The following SSU72 variants were observed in gnomAD, a reference collection of about 807,000 sequenced individuals.
SSU72 encodes SSU72 homolog, RNA polymerase II CTD phosphatase.
Under a neutral mutation model 22.7 loss-of-function variants are expected in SSU72, and 12 were observed. The observed-to-expected ratio is 0.53, with a 90% confidence interval of 0.34 to 0.86. The LOEUF is 0.86. Among genes scored for constraint, SSU72 ranks in the 40% least tolerant of loss-of-function variants. The pLI, the probability that SSU72 is intolerant of heterozygous loss-of-function variation, is 0.02. For missense variants in SSU72, 151 were observed against 249.8 expected (o/e 0.60, Z 2.67); for synonymous variants, 116 against 98.3 (o/e 1.18, Z -1.06).
At chr1:1,557,713 G>T (rs1282304364) in intron 2 of SSU72, among the ~76,000 whole-genome samples, 1 of 151,708 alleles carries the variant, frequency 6.6e-6, no homozygotes, top group Admixed American at 6.6e-5. Flanking sequence ...CAGGAGAATC[G>T]CTTGAACCCG....
intron 2 of SSU72, among the ~76,000 whole-genome samples, chr1:1,552,179 G>T (rs1192963836): frequency 6.6e-6 from 1 of 152,156 alleles, no homozygotes; most frequent in African/African-American, 2.4e-5. Context: ...AGCTTCCTCC[G>T]CGAAGCCCTC....
chr1:1,561,322 A>T (rs1642589296), intron 2 of SSU72: 1 of 152,028 alleles, frequency 6.6e-6, no homozygotes, highest in African/African-American at 2.4e-5. Flanking sequence ...TGACCTCATG[A>T]TCCACCCACC....
intron 2 of SSU72, among the ~76,000 whole-genome samples, chr1:1,555,261 C>T (rs1029085467): frequency 6.6e-6 from 1 of 152,224 alleles, no homozygotes; most frequent in African/African-American, 2.4e-5. Flanking sequence ...AGCACCGACA[C>T]AGGAGGCTCC....
intron 1 of SSU72, among the ~76,000 whole-genome samples, chr1:1,571,190 A>G (rs1642725968): frequency 7.2e-6 from 1 of 139,814 alleles, no homozygotes; most frequent in Non-Finnish European, 1.5e-5. Context: ...GGTTGCAGTG[A>G]GCTGAAATCG....
intron 1 of SSU72, among the ~76,000 whole-genome samples, chr1:1,566,111 A>AG (rs1454805350): frequency 6.7e-6 from 1 of 149,882 alleles, no homozygotes; most frequent in African/African-American, 2.5e-5. Flanking sequence ...AAAAAAAAAA[A>AG]AAAATTAGCT....
chr1:1,574,623 G>A lies in SSU72; in HGVS notation c.-66C>T, dbSNP rs1429975764. 4.1e-6 allele frequency: 6 copies of A among 1,472,878 alleles called. No homozygotes were observed. The highest frequency in any genetic ancestry group is 2.9e-5 in the East Asian group (1 of 35,040). 91.2% of individuals were successfully genotyped at this position (1,472,878 alleles called of 1,614,324 possible). A position where few individuals can be genotyped will look rare whatever the true frequency, so the allele number is the denominator to read the frequency against. On this transcript the variant is annotated 5_prime_UTR_variant, in exon 1 of 5. Coordinates refer to ENST00000291386, the MANE Select transcript of SSU72 (RefSeq NM_014188.3). ...CCACCCTACCGCGGCGCTTCCGCGCGAACAAAATGGCGGCCGCGGTGGCCG... is the reference window on the plus strand; with the variant it reads ...CCACCCTACCGCGGCGCTTCCGCGCAAACAAAATGGCGGCCGCGGTGGCCG...
rs1414253503 is a variant in SSU72, at chr1:1,574,668, G to C, written c.-111C>G. On this transcript the variant is annotated 5_prime_UTR_variant, in exon 1 of 5. Coordinates refer to ENST00000291386, the MANE Select transcript of SSU72 (RefSeq NM_014188.3). ...TGGCCGGAAGCGGGCGACGCGAAAC[G>C]ACGGCGCCGGCGGTGTAGCGTGCGG... 4 of 1,131,644 alleles carry C rather than the reference G, an allele frequency of 3.5e-6. No homozygotes were observed. In the East Asian group the frequency reaches 1.3e-4, roughly 37 times the overall value. The allele number at this position is 1,131,644 out of a possible 1,614,324, so 70.1% of individuals were successfully genotyped here.
intron 2 of SSU72, chr1:1,562,541 C>T (rs1011971454): frequency 6.6e-6 from 1 of 152,070 alleles, no homozygotes; most frequent in African/African-American, 2.4e-5. Context: ...AACCAGACTC[C>T]TGGAAGGGGC....
At chr1:1,556,655 G>A (rs759317206) in intron 2 of SSU72, among the ~76,000 whole-genome samples, 3 of 152,226 alleles carry the variant, frequency 2.0e-5, no homozygotes, top group Non-Finnish European at 4.4e-5. Context: ...CTCTGGAGCT[G>A]CTGGGCACCC....
chr1:1,554,077 G>A lies in SSU72; in HGVS notation c.225-9075C>T, dbSNP rs1432389036. On this transcript the variant is annotated intron_variant, in intron 2 of 4. Coordinates refer to ENST00000291386, the MANE Select transcript of SSU72 (RefSeq NM_014188.3). This position sits in a 1 kb window ranked among gnomAD's most constrained non-coding sequence, Gnocchi z 4.1. ...TGTCAGTGGCCAGGGCCTCTAAAGA[G>A]AAACGAGGAGGAAGTGCAGCTCCAG... is the stretch of plus-strand genomic sequence containing the variant. Among the ~76,000 whole-genome samples, 1 of 152,226 alleles carries A rather than the reference G, an allele frequency of 6.6e-6. No individual in the cohort carries two copies. The highest frequency in any genetic ancestry group is 2.4e-5 in the African/African-American group (1 of 41,448).
intron 1 of SSU72, among the ~76,000 whole-genome samples, chr1:1,567,644 T>C (rs558769823): frequency 3.3e-5 from 5 of 151,966 alleles, no homozygotes; most frequent in Middle Eastern, 3.4e-3. Flanking sequence ...TCAGACAACA[T>C]ACAATAAAAT....
intron 2 of SSU72, among the ~76,000 whole-genome samples, chr1:1,553,018 C>CAAAAAAAAAAAAAAAAAAAAAATAAAAAA (rs35241878): frequency 1.1e-5 from 1 of 93,820 alleles, no homozygotes; most frequent in African/African-American, 3.7e-5. Flanking sequence ...GAGACTGTCT[C>CAAAAAAAAAAAAAAAAAAAAAATAAAAAA]AAAAAAAAAA....
intron 2 of SSU72, chr1:1,545,267 C>T (rs1374988398): frequency 4.6e-6 from 2 of 435,556 alleles, no homozygotes; most frequent in South Asian, 2.6e-5. Flanking sequence ...CCGCAGGACA[C>T]CCCCCGCCCC....
rs1642419105 is a variant in SSU72, at chr1:1,548,464, G to C, written c.225-3462C>G. On this transcript the variant is annotated intron_variant, in intron 2 of 4. Coordinates refer to ENST00000291386, the MANE Select transcript of SSU72 (RefSeq NM_014188.3). ...AGCTACTCTGGAGGCTGAGGCAGGA[G>C]AATTGCTTGAAGCCAGGAGGCGGAG... Among the ~76,000 whole-genome samples, 3 of 150,532 alleles carry C rather than the reference G, an allele frequency of 2.0e-5. No homozygotes were observed. In the South Asian group the frequency reaches 6.3e-4, roughly 32 times the overall value.
chr1:1,544,712 T>A (rs1208920371), intron 3 of SSU72, 151 bp downstream of exon 3: 1 of 1,083,196 alleles, frequency 9.2e-7, no homozygotes, highest in Non-Finnish European at 1.4e-6. Flanking sequence ...CCAGCGGCCC[T>A]GCCTGCCTTC....
chr1:1,558,155 C>G (rs918225380), intron 2 of SSU72, among the ~76,000 whole-genome samples: 2 of 147,636 alleles, frequency 1.4e-5, no homozygotes, highest in African/African-American at 5.1e-5. Flanking sequence ...GAGCCAAGAT[C>G]GTGCCATTGC....
At chr1:1,567,135 G>C (rs1247874046) in intron 1 of SSU72, among the ~76,000 whole-genome samples, 1 of 152,188 alleles carries the variant, frequency 6.6e-6, no homozygotes, top group African/African-American at 2.4e-5. Flanking sequence ...CCATCCATGG[G>C]GCAGGACAGG....
intron 1 of SSU72, among the ~76,000 whole-genome samples, chr1:1,571,937 G>A (rs1047342478): frequency 3.3e-5 from 5 of 151,520 alleles, no homozygotes; most frequent in South Asian, 4.2e-4. Context: ...TGGGACTACA[G>A]GCGCCCGTCA....
At position 1,572,105 on chromosome 1, in the gene SSU72, T is replaced by C. The variant is rs753720916; in HGVS notation, c.80+2373A>G. On this transcript the variant is annotated intron_variant, in intron 1 of 4. Transcript: ENST00000291386. ...CCACCGCGCCCAGCCCTAAATAGAA[T>C]TTTTAAAACATTTCCTTTTGTTAAG... 9.4e-5 allele frequency among the ~76,000 whole-genome samples: 14 copies of C among 149,582 alleles called. 1 individual carries two copies. Among genetic ancestry groups the C allele is most frequent in the Non-Finnish European group, 1.8e-4 (12 of 67,520 alleles).
Sources: gnomAD v4.1 joint callset for allele counts (sites outside exome capture counted in the v4.1 genomes callset) on GRCh38, gnomAD v4.1.1 for gene constraint, Gnocchi (gnomAD v3.1) non-coding constraint, MANE v1.5 for transcripts, NCBI Gene and HGNC (gene_info 2026-07-23, HGNC 2026-07-21) for gene names.